FGF17: variants seen among roughly 807,000 people sequenced by gnomAD.
The protein encoded by FGF17 is fibroblast growth factor 17.
Under a neutral mutation model 23.5 loss-of-function variants are expected in FGF17, and 5 were observed. The observed-to-expected ratio is 0.21, with a 90% CI of 0.11 to 0.45. The LOEUF is 0.45. FGF17 is among the 20% of genes least tolerant of loss of function. The probability of loss-of-function intolerance (pLI) is 0.99; values close to 1 mark genes in which losing one functional copy is unlikely to be tolerated. For missense variants in FGF17, 221 were observed against 306.9 expected, an observed-to-expected ratio of 0.72 and a Z score of 2.09; for synonymous variants, 136 against 123.0, an observed-to-expected ratio of 1.11 and a Z score of -0.70.
rs3038873 is a variant in FGF17 at position 22,046,950 on chromosome 8, A to ATTTTTTTTTTTTT, written c.357+322_357+334dup. Among the ~76,000 whole-genome samples, 78 of 120,560 alleles carry ATTTTTTTTTTTTT rather than the reference A, an allele frequency of 6.5e-4. 1 individual carries two copies. The highest frequency in any genetic ancestry group is 7.9e-4 in the Non-Finnish European group (48 of 60,628). 79.1% of individuals were successfully genotyped at this position (120,560 alleles called of 152,430 possible). On this transcript the variant is annotated intron_variant, in intron 4 of 4. Coordinates refer to ENST00000359441, the MANE Select transcript of FGF17 (RefSeq NM_003867.4). ...AGGTGCATGCCACCATGCCCAGCTA[A>ATTTTTTTTTTTTT]TTTTTTTTTTTTTTTTTGTAGAGAT...
rs1164437316 is a variant in FGF17 at position 22,048,467 on chromosome 8, G to A, written c.*218G>A. The stretch of plus-strand genomic sequence containing the variant: ...TCCCGGACGGGTGGCAGGCCCTGGA[G>A]AGGAACTGAGTGTCACCCTGATCTC... On this transcript the variant is annotated 3_prime_UTR_variant, in exon 5 of 5. Transcript: ENST00000359441. The surrounding 1 kb of genome is among the most constrained non-coding windows in gnomAD (Gnocchi z 6.9). 3.4e-6 allele frequency: 2 copies of A among 587,882 alleles called. No individual in the cohort carries two copies. Among genetic ancestry groups the A allele is most frequent in the Non-Finnish European group, 6.1e-6 (2 of 330,416 alleles). The allele number at this position is 587,882 out of a possible 1,614,324, so 36.4% of individuals were successfully genotyped here.
chr8:22,043,445 GTTC>G (rs1469062137), intron 2 of FGF17, among the ~76,000 whole-genome samples: 2 of 152,180 alleles, frequency 1.3e-5, no homozygotes, highest in African/African-American at 2.4e-5. Flanking sequence ...TCTCCATCGG[GTTC>G]CCCCAGACTT....
In FGF17 at chr8:22,046,254, T is replaced by C; in HGVS notation, c.213T>C (p.Arg71=). The change falls in exon 3 of 5, where the codon CGT becomes CGC. Residue 71 remains arginine (R), a synonymous_variant. Transcript: ENST00000359441. Reference sequence around the variant, plus strand: ...GCAAGCACGTGCAGGTCACCGGGCGTCGCATCTCCGCCACCGCCGAGGACG... The same window carrying C: ...GCAAGCACGTGCAGGTCACCGGGCGCCGCATCTCCGCCACCGCCGAGGACG... ...TSGKHVQVTG[R]RISATAEDGN... is the part of the protein sequence containing the mutation. 2 of 1,613,724 alleles carry C rather than the reference T, an allele frequency of 1.2e-6. No homozygotes were observed. The highest frequency in any genetic ancestry group is 1.7e-6 in the Non-Finnish European group (2 of 1,179,968).
At chr8:22,042,751 T>G, upstream of FGF17, 1 of 550,472 alleles carries the variant, frequency 1.8e-6, no homozygotes, top group Non-Finnish European at 3.3e-6. Context: ...GCCCTCCTCC[T>G]CCCCCTCCTC....
In FGF17 at chr8:22,048,221, G is replaced by T; in HGVS notation, c.623G>T (p.Arg208Leu). ...TCCGCCCCCACCCGCCGGACCAAGCGCACACGGCGGCCCCAGCCCCTCACG... is the reference window on the plus strand; with the variant it reads ...TCCGCCCCCACCCGCCGGACCAAGCTCACACGGCGGCCCCAGCCCCTCACG... ...VGSAPTRRTK[R>L]TRRPQPLT The change falls in exon 5 of 5, where the codon CGC becomes CTC. Residue 208 changes from arginine (R) to leucine (L), a missense_variant. Coordinates refer to ENST00000359441, the MANE Select transcript of FGF17 (RefSeq NM_003867.4). This position sits in a 1 kb window ranked among gnomAD's most constrained non-coding sequence, Gnocchi z 6.9. 1.2e-6 allele frequency: 2 copies of T among 1,609,170 alleles called. No individual in the cohort carries two copies.
chr8:22,042,958 C>T lies in FGF17; in HGVS notation c.30C>T (p.Leu10=). The stretch of plus-strand genomic sequence containing the variant: ...GAGCCGCCCGCCTGCTGCCCAACCT[C>T]ACTCTGTAAGTGTGCTACCTCTCCC... MGAARLLPN[L]TLCLQLLILC... is the part of the protein sequence containing the mutation. Residue 10 remains leucine, a synonymous_variant, in exon 1 of 5, where the codon CTC becomes CTT. Coordinates refer to ENST00000359441, the MANE Select transcript of FGF17 (RefSeq NM_003867.4). The T allele has an allele frequency of 2.5e-6, 4 of 1,613,360 alleles. No individual in the cohort carries two copies. Among genetic ancestry groups the T allele is most frequent in the Non-Finnish European group, 3.4e-6 (4 of 1,179,738 alleles).
intron 2 of FGF17, chr8:22,044,738 T>C: frequency 1.0e-6 from 1 of 985,370 alleles, no homozygotes; most frequent in East Asian, 1.1e-4. Context: ...GAGGTGCAAT[T>C]GGAAATGAGC....
chr8:22,041,942 G>A (rs1800746223), upstream of FGF17, among the ~76,000 whole-genome samples: 1 of 152,216 alleles, frequency 6.6e-6, no homozygotes. Context: ...GCTGCTCCTA[G>A]CTCAGAGAGG....
At chr8:22,042,815 A>C, upstream of FGF17, 18 of 1,081,542 alleles carry the variant, frequency 1.7e-5, no homozygotes, top group Non-Finnish European at 2.2e-5. Context: ...CCCCCCTGAA[A>C]ACCTGTGGCT....
upstream of FGF17, among the ~76,000 whole-genome samples, chr8:22,039,745 C>G (rs564954380): frequency 1.4e-4 from 21 of 152,208 alleles, no homozygotes; most frequent in African/African-American, 5.1e-4. Context: ...GAAAAATTTG[C>G]AAAGGTGAGG....
At chr8:22,040,961 G>C (rs551920044), upstream of FGF17, among the ~76,000 whole-genome samples, 11 of 152,282 alleles carry the variant, frequency 7.2e-5, no homozygotes, top group South Asian at 2.3e-3. Context: ...GATCCGCAGG[G>C]GGAAAGCAGA....
chr8:22,042,823 G>C lies in FGF17; in HGVS notation c.-106G>C, dbSNP rs1800761186. On this transcript the variant is annotated 5_prime_UTR_variant, in exon 1 of 5. Transcript: ENST00000359441. The stretch of plus-strand genomic sequence containing the variant: ...CTCCTCGCCCCCCTGAAAACCTGTG[G>C]CTCGGAGAGACCTTGGCTTCTCTGG... 8.4e-7 allele frequency: 1 copy of C among 1,194,202 alleles called. No individual in the cohort carries two copies. The highest frequency in any genetic ancestry group is 1.2e-6 in the Non-Finnish European group (1 of 821,656). The allele number at this position is 1,194,202 out of a possible 1,614,324, so 74.0% of individuals were successfully genotyped here. A position where few individuals can be genotyped will look rare whatever the true frequency, so the allele number is the denominator to read the frequency against.
intron 4 of FGF17, 142 bp downstream of exon 4, chr8:22,046,775 G>C (rs866211608): frequency 4.7e-6 from 3 of 636,750 alleles, no homozygotes; most frequent in Admixed American, 3.1e-5. Flanking sequence ...CCACCCACTG[G>C]GCCACTCTCT....
In FGF17 at chr8:22,046,630, G is replaced by C. The variant is rs202160304; in HGVS notation, c.354G>C (p.Gly118=). 1.7e-5 allele frequency: 27 copies of C among 1,609,142 alleles called. No individual in the cohort carries two copies. Among genetic ancestry groups the C allele is most frequent in the Non-Finnish European group, 2.2e-5 (26 of 1,175,694 alleles). The change falls in exon 4 of 5, where the codon GGG becomes GGC. Residue 118 remains glycine (G), a synonymous_variant. Transcript: ENST00000359441. ...ICMNKRGKLI[G]KPSGKSKDCV... is the part of the protein sequence containing the mutation. ...TGAACAAGAGGGGCAAGCTCATCGG[G>C]AAGGTGAGGCTGGGAGACTGGGAAG...
intron 2 of FGF17, chr8:22,045,356 C>T: frequency 1.0e-6 from 1 of 987,720 alleles, no homozygotes; most frequent in Non-Finnish European, 1.2e-6. Context: ...ACTGCCTCTG[C>T]CTCCCTCCGC....
chr8:22,045,432 C>G lies in FGF17; in HGVS notation c.73-682C>G, dbSNP rs894485628. 16 of 990,490 alleles carry G rather than the reference C, an allele frequency of 1.6e-5. No homozygotes were observed. In the African/African-American group the frequency reaches 2.8e-4, roughly 17 times the overall value. The allele number at this position is 990,490 out of a possible 1,614,324, so 61.4% of individuals were successfully genotyped here. On this transcript the variant is annotated intron_variant, in intron 2 of 4. Coordinates refer to ENST00000359441, the MANE Select transcript of FGF17 (RefSeq NM_003867.4). Reference sequence around the variant, plus strand: ...GCCCCAGCCCCAGCCCCAGCTCCAGCCCATAGAGGAGGGAGGAACACTGGA... The same window carrying G: ...GCCCCAGCCCCAGCCCCAGCTCCAGGCCATAGAGGAGGGAGGAACACTGGA...
At chr8:22,044,027 T>C (rs1218330523) in intron 2 of FGF17, among the ~76,000 whole-genome samples, 3 of 146,746 alleles carry the variant, frequency 2.0e-5, no homozygotes, top group Admixed American at 6.8e-5. Context: ...GAGAGACAAT[T>C]CCCCCCCCCT....
Position 22,043,151 on chromosome 8 carries a change from A to G in FGF17, c.42A>G (p.Leu14=). 6.2e-7 allele frequency: 1 copy of G among 1,613,862 alleles called. No homozygotes were observed. ...ARLLPNLTLC[L]QLLILCCQTQ... is the part of the protein sequence containing the mutation. ...ACCTCCTCTCCCCACACAGGTGCTT[A>G]CAGCTGCTGATTCTCTGCTGTCAAA... Residue 14 remains leucine (L), a synonymous_variant, in exon 2 of 5, where the codon TTA becomes TTG. Transcript: ENST00000359441.
At chr8:22,040,244 T>C (rs1401508514), upstream of FGF17, among the ~76,000 whole-genome samples, 1 of 152,192 alleles carries the variant, frequency 6.6e-6, no homozygotes, top group Non-Finnish European at 1.5e-5. Context: ...TTTGACAGTA[T>C]CCCTGCTGGT....
Sources: allele counts gnomAD v4.1 joint callset (sites outside exome capture counted in the v4.1 genomes callset), GRCh38; gene constraint gnomAD v4.1.1; non-coding constraint Gnocchi (gnomAD v3.1); transcripts MANE v1.5; gene names NCBI Gene and HGNC (gene_info 2026-07-23, HGNC 2026-07-21).